Variants in ETV1 observed in about 807,000 individuals in gnomAD.
ETV1 encodes ETS variant transcription factor 1, also known as ETS translocation variant 1.
ETV1 carries 27 observed loss-of-function variants against 62.3 expected under a neutral mutation model. The ratio of observed to expected loss-of-function variants is 0.43; its 90% CI spans 0.32 to 0.60. The LOEUF is 0.60. Among genes scored for constraint, ETV1 ranks in the 20% least tolerant of loss-of-function variants. The probability of loss-of-function intolerance (pLI) is 0.06; values close to 1 mark genes in which losing one functional copy is unlikely to be tolerated. For synonymous variants in ETV1, 222 were observed against 199.6 expected (o/e 1.11, Z -0.94); for missense variants, 605 against 605.8 (o/e 1.00, Z 0.01).
intron 6 of ETV1, among the ~76,000 whole-genome samples, chr7:13,943,188 A>G (rs1350708274): frequency 6.6e-6 from 1 of 152,222 alleles, no homozygotes; most frequent in Admixed American, 6.5e-5. Flanking sequence ...AGTAGTTCAC[A>G]AAAGCAGATA....
intron 9 of ETV1, among the ~76,000 whole-genome samples, chr7:13,914,164 C>A (rs1404034757): frequency 1.3e-5 from 2 of 152,038 alleles, no homozygotes; most frequent in African/African-American, 4.8e-5. Flanking sequence ...GGATTACAGG[C>A]ATGAGTCACC....
intron 6 of ETV1, among the ~76,000 whole-genome samples, chr7:13,956,376 C>A (rs1294067900): frequency 6.6e-6 from 1 of 151,824 alleles, no homozygotes; most frequent in African/African-American, 2.4e-5. Context: ...AGGAGTGTAC[C>A]CTTAAGGCTA....
chr7:13,962,811 T>C (rs1452077341), intron 6 of ETV1, among the ~76,000 whole-genome samples: 2 of 152,172 alleles, frequency 1.3e-5, no homozygotes, highest in Admixed American at 6.5e-5. Flanking sequence ...TAAATTAGAA[T>C]AATTCCATGA....
rs1050783172 is a variant in ETV1 at position 13,895,813 on chromosome 7, T to C, written c.*53A>G. ...AACAAAGATTCAGCAATTCTCTGTA[T>C]CTTGCAGAAAAAAGGAAAAGCGCAA... is the stretch of plus-strand genomic sequence containing the variant. On this transcript the variant is annotated 3_prime_UTR_variant, in exon 14 of 14. Transcript: ENST00000430479. 4.3e-6 allele frequency: 5 copies of C among 1,156,762 alleles called. No homozygotes were observed. The East Asian group carries it at 1.2e-4, about 28-fold the overall frequency. 71.7% of individuals were successfully genotyped at this position (1,156,762 alleles called of 1,614,324 possible).
intron 6 of ETV1, among the ~76,000 whole-genome samples, chr7:13,954,015 C>A (rs181006404): frequency 6.6e-6 from 1 of 152,076 alleles, no homozygotes; most frequent in Admixed American, 6.6e-5. Flanking sequence ...TTTATCAATG[C>A]GCCATAGTAA....
chr7:13,962,203 G>C (rs201302722), intron 6 of ETV1, among the ~76,000 whole-genome samples: 1 of 133,020 alleles, frequency 7.5e-6, no homozygotes, highest in Non-Finnish European at 1.5e-5. Context: ...ACACACACAC[G>C]TGTGTGTGTG....
At chr7:13,962,017 G>A (rs984093209) in intron 6 of ETV1, among the ~76,000 whole-genome samples, 2 of 151,962 alleles carry the variant, frequency 1.3e-5, no homozygotes, top group African/African-American at 4.8e-5. Context: ...AAAAAGTTAA[G>A]TTGATCAGAA....
At chr7:13,897,256 C>G (rs1207655826) in intron 13 of ETV1, among the ~76,000 whole-genome samples, 6 of 152,134 alleles carry the variant, frequency 3.9e-5, no homozygotes, top group African/African-American at 1.4e-4. Flanking sequence ...GGTGACACAA[C>G]ACCTCCATGT....
intron 9 of ETV1, among the ~76,000 whole-genome samples, chr7:13,930,382 C>T (rs538522189): frequency 2.0e-4 from 30 of 150,776 alleles, no homozygotes; most frequent in Middle Eastern, 3.4e-3. Flanking sequence ...AGTGCAGTGG[C>T]GCAATCTTGG....
chr7:13,943,327 G>A (rs1467477297), intron 6 of ETV1, among the ~76,000 whole-genome samples: 1 of 152,162 alleles, frequency 6.6e-6, no homozygotes, highest in Non-Finnish European at 1.5e-5. Flanking sequence ...GATAGTTACA[G>A]ATATCACTAG....
chr7:13,977,016 T>C (rs1190250403), intron 6 of ETV1, among the ~76,000 whole-genome samples: 1 of 152,198 alleles, frequency 6.6e-6, no homozygotes, highest in African/African-American at 2.4e-5. Flanking sequence ...AATTATACAA[T>C]AACTAATCTC....
intron 9 of ETV1, among the ~76,000 whole-genome samples, chr7:13,925,144 T>C (rs759155280): frequency 3.9e-5 from 6 of 152,202 alleles, no homozygotes; most frequent in Non-Finnish European, 8.8e-5. Flanking sequence ...ATCTTCCTCT[T>C]GCCTTTGAAA....
At chr7:13,956,964 T>C (rs191268783) in intron 6 of ETV1, among the ~76,000 whole-genome samples, 43 of 152,358 alleles carry the variant, frequency 2.8e-4, no homozygotes, top group African/African-American at 1.0e-3. Context: ...GTGGCTATTA[T>C]TAAATGAGGA....
intron 6 of ETV1, among the ~76,000 whole-genome samples, chr7:13,964,876 A>G (rs1790602429): frequency 6.6e-6 from 1 of 152,194 alleles, no homozygotes; most frequent in Non-Finnish European, 1.5e-5. Context: ...AATCATGAAG[A>G]GCCTGATAAT....
intron 6 of ETV1, among the ~76,000 whole-genome samples, chr7:13,948,691 C>T (rs1304685041): frequency 6.6e-6 from 1 of 152,050 alleles, no homozygotes; most frequent in Non-Finnish European, 1.5e-5. Flanking sequence ...GCCCACAAAG[C>T]GTGAAATATT....
At chr7:13,964,803 C>T (rs912694031) in intron 6 of ETV1, among the ~76,000 whole-genome samples, 1 of 152,026 alleles carries the variant, frequency 6.6e-6, no homozygotes, top group East Asian at 1.9e-4. Flanking sequence ...CATCCAGGTT[C>T]ATACTTTTTC....
At position 13,934,375 on chromosome 7, in the gene ETV1, G is replaced by T. The variant is rs118066604; in HGVS notation, c.554+1333C>A. Among the ~76,000 whole-genome samples, 1,123 of 152,342 alleles carry T rather than the reference G, an allele frequency of 7.4e-3. 5 individuals are homozygous for T. The highest frequency in any genetic ancestry group is 0.013 in the Non-Finnish European group (861 of 68,032). On this transcript the variant is annotated intron_variant, in intron 8 of 13. Transcript: ENST00000430479. ...TATAGCAAAATGAGTTTCTGAATTT[G>T]AGATTGAGTCCCATGAAAAAACCTA...
At chr7:13,921,333 T>C (rs1385359660) in intron 9 of ETV1, among the ~76,000 whole-genome samples, 1 of 152,176 alleles carries the variant, frequency 6.6e-6, no homozygotes, top group African/African-American at 2.4e-5. Flanking sequence ...TATTTAAAAA[T>C]ATCCAGAGTT....
At chr7:13,896,298 T>C (rs1781768487) in intron 13 of ETV1, among the ~76,000 whole-genome samples, 1 of 152,040 alleles carries the variant, frequency 6.6e-6, no homozygotes, top group South Asian at 2.1e-4. Flanking sequence ...AGATGCAAAA[T>C]GTTGACCTTG....
Sources: gnomAD v4.1 joint callset for allele counts (sites outside exome capture counted in the v4.1 genomes callset) on GRCh38, gnomAD v4.1.1 for gene constraint, MANE v1.5 for transcripts, NCBI Gene and HGNC (gene_info 2026-07-23, HGNC 2026-07-21) for gene names.